ANXA4: variants seen among roughly 807,000 people sequenced by gnomAD.
The protein encoded by ANXA4 is annexin A4, also known as 35-beta calcimedin.
Under a neutral mutation model 49.8 loss-of-function variants are expected in ANXA4, and 39 were observed. The ratio of observed to expected loss-of-function variants is 0.78; its 90% CI spans 0.61 to 1.02. ANXA4 has a LOEUF of 1.02. Ranked by LOEUF, ANXA4 falls within the 50% of genes least tolerant of loss-of-function variation. ANXA4 has a pLI of 0.00. For synonymous variants in ANXA4, 134 were observed against 152.5 expected (o/e 0.88, Z 0.89); for missense variants, 360 against 410.1 (o/e 0.88, Z 1.05).
At chr2:69,719,580 C>T (rs1009570280) in intron 2 of ANXA4, among the ~76,000 whole-genome samples, 2 of 151,586 alleles carry the variant, frequency 1.3e-5, no homozygotes, top group African/African-American at 4.9e-5. Flanking sequence ...GCTGGGATTA[C>T]AGGCGCCCAC....
chr2:69,782,710 G>A (rs1356741177), intron 2 of ANXA4, among the ~76,000 whole-genome samples: 1 of 152,148 alleles, frequency 6.6e-6, no homozygotes, highest in Admixed American at 6.6e-5. Context: ...TGTGGCAGAT[G>A]TGGGACTAGG....
At chr2:69,788,167 C>A in intron 3 of ANXA4, 26 bp downstream of exon 3, 1 of 1,587,666 alleles carries the variant, frequency 6.3e-7, no homozygotes, top group Non-Finnish European at 8.6e-7. Context: ...GAAGTGAATC[C>A]TCCTGCGTGC....
intron 1 of ANXA4, among the ~76,000 whole-genome samples, chr2:69,773,019 AAAAAG>A (rs1052280863): frequency 7.3e-5 from 11 of 150,306 alleles, no homozygotes; most frequent in African/African-American, 2.5e-4. Flanking sequence ...GTCTCAAAAA[AAAAAG>A]AAAGAAAGAA....
chr2:69,715,299 T>C (rs1454574836), intron 2 of ANXA4, among the ~76,000 whole-genome samples: 1 of 152,162 alleles, frequency 6.6e-6, no homozygotes, highest in African/African-American at 2.4e-5. Context: ...AACCTCCCCC[T>C]CCTGGGTTCA....
intron 2 of ANXA4, among the ~76,000 whole-genome samples, chr2:69,692,050 T>C (rs1677993909): frequency 6.6e-6 from 1 of 152,166 alleles, no homozygotes; most frequent in African/African-American, 2.4e-5. Flanking sequence ...CATACCTGGC[T>C]AATTTTTGTA....
chr2:69,817,912 C>G (rs758546589), intron 9 of ANXA4: 2 of 152,176 alleles, frequency 1.3e-5, no homozygotes, highest in Non-Finnish European at 2.9e-5. Flanking sequence ...CAACTGCTCA[C>G]GTGTTTGACA....
chr2:69,660,617 G>A (rs1479537586), intron 2 of ANXA4, among the ~76,000 whole-genome samples: 2 of 152,010 alleles, frequency 1.3e-5, no homozygotes, highest in Middle Eastern at 3.2e-3. Context: ...AGAAACAACA[G>A]ATAAATCTAG....
intron 2 of ANXA4, among the ~76,000 whole-genome samples, chr2:69,666,272 A>G (rs1676929744): frequency 6.6e-6 from 1 of 152,232 alleles, no homozygotes; most frequent in African/African-American, 2.4e-5. Context: ...GGAAATGCAT[A>G]CCAAAACCAC....
intron 1 of ANXA4, among the ~76,000 whole-genome samples, chr2:69,749,420 A>G (rs758988406): frequency 8.5e-5 from 13 of 152,172 alleles, no homozygotes; most frequent in Non-Finnish European, 1.8e-4. Context: ...TCTGAGCCCC[A>G]GCAGACATAC....
In ANXA4 at chr2:69,773,925, C is replaced by T. The variant is rs943285312; in HGVS notation, c.-46-7595C>T. On this transcript the variant is annotated intron_variant, in intron 1 of 12. Coordinates refer to ENST00000394295, the MANE Select transcript of ANXA4 (RefSeq NM_001153.5). ...GATTACAGGCATGAGTCACCGCGCC[C>T]GTCCTCAAGCAATTCTTGTACCTCA... is the stretch of plus-strand genomic sequence containing the variant. Among the ~76,000 whole-genome samples, 6 of 151,710 alleles carry T rather than the reference C, an allele frequency of 4.0e-5. No homozygotes were observed. The East Asian group carries it at 5.8e-4, about 15-fold the overall frequency.
intron 2 of ANXA4, among the ~76,000 whole-genome samples, chr2:69,682,219 G>T (rs1047091872): frequency 2.0e-5 from 3 of 151,988 alleles, no homozygotes; most frequent in South Asian, 2.1e-4. Context: ...CTACTTTTTT[G>T]ATGTAGGTGT....
chr2:69,820,973 C>T (rs906901410), intron 12 of ANXA4, 152 bp downstream of exon 12: 15 of 920,498 alleles, frequency 1.6e-5, no homozygotes, highest in Non-Finnish European at 2.3e-5. Context: ...CTCTTTCACA[C>T]AGATATTTAA....
intron 2 of ANXA4, among the ~76,000 whole-genome samples, chr2:69,694,256 A>G (rs1047713637): frequency 6.6e-6 from 1 of 152,192 alleles, no homozygotes; most frequent in African/African-American, 2.4e-5. Flanking sequence ...CCCTTCCACA[A>G]TGTGAGAACG....
chr2:69,770,190 A>G (rs1262503183), intron 1 of ANXA4, among the ~76,000 whole-genome samples: 1 of 152,044 alleles, frequency 6.6e-6, no homozygotes, highest in Non-Finnish European at 1.5e-5. Flanking sequence ...TTAAAATGTT[A>G]TTTCTCCCAA....
chr2:69,784,142 C>A (rs2103679241), intron 2 of ANXA4, among the ~76,000 whole-genome samples: 1 of 152,298 alleles, frequency 6.6e-6, no homozygotes, highest in South Asian at 2.1e-4. Context: ...AATGGGCCCT[C>A]TTGGGACAGA....
At chr2:69,696,877 A>G (rs965012189) in intron 2 of ANXA4, among the ~76,000 whole-genome samples, 4 of 152,186 alleles carry the variant, frequency 2.6e-5, no homozygotes, top group Non-Finnish European at 4.4e-5. Context: ...TTATTCAGTA[A>G]ACCATGCTAT....
chr2:69,757,363 C>T (rs1165347123), intron 1 of ANXA4, among the ~76,000 whole-genome samples: 8 of 142,930 alleles, frequency 5.6e-5, no homozygotes, highest in African/African-American at 2.0e-4. Context: ...CTCTGCCTCC[C>T]GGGTTGATGC....
intron 2 of ANXA4, among the ~76,000 whole-genome samples, chr2:69,710,849 G>A (rs1172207039): frequency 2.0e-5 from 3 of 152,198 alleles, no homozygotes; most frequent in Admixed American, 1.3e-4. Flanking sequence ...TACATTGCTG[G>A]TGGAAATGAA....
chr2:69,722,350 C>T (rs535258199), intron 3 of ANXA4, among the ~76,000 whole-genome samples: 1 of 152,180 alleles, frequency 6.6e-6, no homozygotes, highest in East Asian at 1.9e-4. Context: ...TCGCCATAGC[C>T]AAAAAGTGGA....
Sources: allele counts gnomAD v4.1 joint callset (sites outside exome capture counted in the v4.1 genomes callset), GRCh38; gene constraint gnomAD v4.1.1; transcripts MANE v1.5; gene names NCBI Gene and HGNC (gene_info 2026-07-23, HGNC 2026-07-21).